The following PSG4 variants were observed in gnomAD, a reference collection of about 807,000 sequenced individuals.
The protein encoded by PSG4 is pregnancy-specific beta-1-glycoprotein 4.
A neutral mutation model predicts 44.3 loss-of-function variants in PSG4; 61 were observed. That is an observed-to-expected ratio of 1.38 (90% CI 1.12 to 1.70). PSG4 has a LOEUF of 1.70. Ranked by LOEUF, PSG4 falls within the 40% of genes most tolerant of loss-of-function variation. The pLI is 0.00. For missense variants in PSG4, 677 were observed against 511.7 expected, an observed-to-expected ratio of 1.32 and a Z score of -3.12; for synonymous variants, 248 against 191.3, an observed-to-expected ratio of 1.30 and a Z score of -2.45.
chr19:43,194,275 C>A, intron 5 of PSG4, 65 bp downstream of exon 5: 1 of 1,610,242 alleles, frequency 6.2e-7, no homozygotes, highest in Non-Finnish European at 8.5e-7. Context: ...TTTCCTCACT[C>A]TTCCCTGAAT....
In PSG4 at chr19:43,193,098, T is replaced by C. The variant is rs900827901; in HGVS notation, c.*274A>G. The C allele has an allele frequency of 9.8e-5, 62 of 631,656 alleles. 2 individuals carry two copies. Among genetic ancestry groups the C allele is most frequent in the African/African-American group, 3.3e-4 (18 of 54,784 alleles). 39.1% of individuals were successfully genotyped at this position (631,656 alleles called of 1,614,324 possible). ...GGACGGTTAAGAGGGGTGGGAGCCT[T>C]ATCATGATGGGGAGTCTTGTTCTGA... On this transcript the variant is annotated 3_prime_UTR_variant, in exon 6 of 6. Transcript: ENST00000405312.
rs777388926 is a variant in PSG4, at chr19:43,194,359, G to A, written c.1224C>T (p.Ser408=). ...ACTTACCAGAGACTTTGACTGTGATGGATTTGGAGCTTTCCTTGCCAGTGG... is the reference window on the plus strand; with the variant it reads ...ACTTACCAGAGACTTTGACTGTGATAGATTTGGAGCTTTCCTTGCCAGTGG... ...NSATGKESSK[S]ITVKVSDWIL... is the part of the protein sequence containing the mutation. Residue 408 remains serine (S), a synonymous_variant, in exon 5 of 6, where the codon TCC becomes TCT. Transcript: ENST00000405312. The A allele has an allele frequency of 2.2e-5, 35 of 1,612,254 alleles. 3 individuals carry two copies. Among genetic ancestry groups the A allele is most frequent in the Admixed American group, 1.3e-4 (8 of 59,846 alleles).
In PSG4 at chr19:43,197,543, C is replaced by T. The variant is rs192668485; in HGVS notation, c.709+454G>A. ...GTGAGGCAGGAGAGATTGGGGAATT[C>T]CCCTGTATGGTAATAGGTGTATGAG... On this transcript the variant is annotated intron_variant, in intron 3 of 5. Transcript: ENST00000405312. 5.0e-3 allele frequency among the ~76,000 whole-genome samples: 696 copies of T among 138,406 alleles called. 121 individuals carry two copies. Among genetic ancestry groups the T allele is most frequent in the African/African-American group, 0.019 (675 of 34,640 alleles). 90.8% of individuals were successfully genotyped at this position (138,406 alleles called of 152,430 possible). A position where few individuals can be genotyped will look rare whatever the true frequency, so the allele number is the denominator to read the frequency against.
intron 3 of PSG4, among the ~76,000 whole-genome samples, chr19:43,195,628 C>G (rs561177696): frequency 1.3e-5 from 2 of 151,442 alleles, no homozygotes; most frequent in Non-Finnish European, 2.9e-5. Flanking sequence ...TGTGCAACTA[C>G]TGGGCCCCTT....
chr19:43,195,016 G>T lies in PSG4; in HGVS notation c.967C>A (p.Pro323Thr). 1 of 1,611,930 alleles carries T rather than the reference G, an allele frequency of 6.2e-7. No individual in the cohort carries two copies. The highest frequency in any genetic ancestry group is 8.5e-7 in the Non-Finnish European group (1 of 1,178,972). ...RDRYGGIRSD[P>T]VTLNVLYGPD... ...TCACAGAGGACATTCAGGGTGACTG[G>T]GTCACTGCGGATGCCACCATATCGG... Residue 323 changes from proline to threonine, a missense_variant, in exon 4 of 6, where the codon CCA becomes ACA. Transcript: ENST00000405312.
chr19:43,195,233 G>A lies in PSG4; in HGVS notation c.750C>T (p.Asn250=), dbSNP rs146854398. The change falls in exon 4 of 6, where the codon AAC becomes AAT. Residue 250 remains asparagine (N), a synonymous_variant. Coordinates refer to ENST00000405312, the MANE Select transcript of PSG4 (RefSeq NM_002780.5). The stretch of plus-strand genomic sequence containing the variant: ...TTAAGACATCCTTATTCTCTCTGGG[G>A]TTTAAGTTGTTGATTGTGATGTAGG... The part of the protein sequence containing the change: ...SKPYITINNL[N]PRENKDVLTF... 1.2e-3 allele frequency: 1,986 copies of A among 1,610,352 alleles called. 69 individuals carry two copies. In the African/African-American group the frequency reaches 0.024, roughly 20 times the overall value.
At chr19:43,194,683 G>C (rs2122291308) in intron 4 of PSG4, 89 bp from the exon 5 acceptor site, 1 of 1,520,520 alleles carries the variant, frequency 6.6e-7, no homozygotes, top group Non-Finnish European at 8.8e-7. Flanking sequence ...TACCCTCTAA[G>C]CCAAGACACA....
chr19:43,196,820 A>C lies in PSG4; in HGVS notation c.709+1177T>G, dbSNP rs182532805. 2.9e-4 allele frequency: 43 copies of C among 150,608 alleles called. 2 individuals carry two copies. Among genetic ancestry groups the C allele is most frequent in the African/African-American group, 1.0e-3 (41 of 40,626 alleles). 9.3% of individuals were successfully genotyped at this position (150,608 alleles called of 1,614,324 possible). ...AGTGTTTCTGTTGTGGCAGTCATTA[A>C]TAAGAGCCTGTCAGGTCAGATTTAG... On this transcript the variant is annotated intron_variant, in intron 3 of 5. Coordinates refer to ENST00000405312, the MANE Select transcript of PSG4 (RefSeq NM_002780.5).
intron 3 of PSG4, 108 bp downstream of exon 3, chr19:43,197,889 G>A (rs1374772769): frequency 6.4e-7 from 1 of 1,574,074 alleles, no homozygotes; most frequent in Admixed American, 1.8e-5. Flanking sequence ...TTGATGTCTA[G>A]GGGTAAAGGT....
At chr19:43,202,088 C>T (rs1158025419) in intron 2 of PSG4, among the ~76,000 whole-genome samples, 17 of 145,038 alleles carry the variant, frequency 1.2e-4, no homozygotes, top group East Asian at 2.4e-4. Context: ...ACAGTGTTAG[C>T]GGGAAAGGAA....
At chr19:43,197,120 T>A (rs1452006334) in intron 3 of PSG4, among the ~76,000 whole-genome samples, 1 of 145,926 alleles carries the variant, frequency 6.9e-6, no homozygotes, top group Non-Finnish European at 1.5e-5. Flanking sequence ...ATTATTTCCT[T>A]AATTTCCTTT....
At position 43,194,597 on chromosome 19, in the gene PSG4, G is replaced by C; in HGVS notation, c.989-3C>G. The C allele has an allele frequency of 6.2e-7, 1 of 1,607,660 alleles. No individual in the cohort carries two copies. The highest frequency in any genetic ancestry group is 1.1e-5 in the South Asian group (1 of 90,498). ...AATGCTGGGGAGGTCTGGACCATCT[G>C]GCGCAAAGAGAATAAAGCCATAGGT... On this transcript the variant is annotated splice_region_variant and splice_polypyrimidine_tract_variant and intron_variant, in intron 4 of 5. Coordinates refer to ENST00000405312, the MANE Select transcript of PSG4 (RefSeq NM_002780.5).
intron 4 of PSG4, 180 bp from the exon 5 acceptor site, chr19:43,194,774 T>A: frequency 7.1e-7 from 1 of 1,416,640 alleles, no homozygotes; most frequent in Non-Finnish European, 9.4e-7. Flanking sequence ...ATCACAAGTT[T>A]TAGGCCCCAA....
At position 43,203,953 on chromosome 19, in the gene PSG4, G is replaced by C; in HGVS notation, c.363C>G (p.Thr121=). ...CATCGCGTCGCTTTATGATGTGTAA[G>C]GTGTAGGATCCTGCATCCTCCTGCG... is the stretch of plus-strand genomic sequence containing the variant. The part of the protein sequence containing the change: ...NVTQEDAGSY[T]LHIIKRRDGT... The change falls in exon 2 of 6, where the codon ACC becomes ACG. Residue 121 remains threonine, a synonymous_variant. Transcript: ENST00000405312. The C allele has an allele frequency of 6.3e-7, 1 of 1,587,330 alleles. No individual in the cohort carries two copies. Among genetic ancestry groups the C allele is most frequent in the South Asian group, 1.1e-5 (1 of 89,896 alleles).
At chr19:43,195,381 T>G in intron 3 of PSG4, 108 bp from the exon 4 acceptor site, 1 of 1,497,244 alleles carries the variant, frequency 6.7e-7, no homozygotes, top group Admixed American at 1.9e-5. Context: ...ACCCGAGTCC[T>G]TGAAAGCCAA....
intron 2 of PSG4, 78 bp from the exon 3 acceptor site, chr19:43,198,353 C>A (rs1568386386): frequency 6.6e-7 from 1 of 1,521,840 alleles, no homozygotes. Flanking sequence ...TCAGAGTTGG[C>A]ATTTCCCACC....
chr19:43,198,003 G>A lies in PSG4; in HGVS notation c.703C>T (p.Leu235Phe), dbSNP rs376900449. The change falls in exon 3 of 6, where the codon CTC (leucine) becomes TTC (phenylalanine). Residue 235 changes from leucine to phenylalanine, a missense_variant. Leu to Phe is a conservative substitution (Grantham distance 22, BLOSUM62 0). Coordinates refer to ENST00000405312, the MANE Select transcript of PSG4 (RefSeq NM_002780.5). Reference sequence around the variant, plus strand: ...AGGAACAGAGGATACTCACGGAGGAGATTCAGGGTGACTGGGTCACTGCGG... The same window carrying A: ...AGGAACAGAGGATACTCACGGAGGAAATTCAGGGTGACTGGGTCACTGCGG... ...ASRSDPVTLN[L>F]LPKLSKPYIT... The A allele has an allele frequency of 1.1e-4, 177 of 1,587,816 alleles. 21 individuals carry two copies. Among genetic ancestry groups the A allele is most frequent in the Middle Eastern group, 5.0e-4 (3 of 5,986 alleles).
At chr19:43,194,215 A>G (rs1185285051) in intron 5 of PSG4, 125 bp downstream of exon 5, 3 of 1,583,136 alleles carry the variant, frequency 1.9e-6, no homozygotes, top group Non-Finnish European at 2.6e-6. Flanking sequence ...TCAGGAGTAG[A>G]ATTTGGGATT....
At chr19:43,200,929 A>T (rs527450757) in intron 2 of PSG4, among the ~76,000 whole-genome samples, 1 of 146,116 alleles carries the variant, frequency 6.8e-6, no homozygotes, top group African/African-American at 2.6e-5. Context: ...CGGAGTCACA[A>T]ATTTTAAGCT....
Sources: allele counts gnomAD v4.1 joint callset (sites outside exome capture counted in the v4.1 genomes callset), GRCh38; gene constraint gnomAD v4.1.1; transcripts MANE v1.5; gene names NCBI Gene and HGNC (gene_info 2026-07-23, HGNC 2026-07-21).